SSH2: variants seen among roughly 807,000 people sequenced by gnomAD.
SSH2 encodes slingshot protein phosphatase 2.
A neutral mutation model predicts 135.2 loss-of-function variants in SSH2; 37 were observed. The observed-to-expected ratio is 0.27, with a 90% CI of 0.21 to 0.36. SSH2 has a LOEUF of 0.36. SSH2 is among the 10% of genes least tolerant of loss of function. The pLI is 1.00. For missense variants in SSH2, 1,408 were observed against 1,765.3 expected (o/e 0.80, Z 3.63); for synonymous variants, 628 against 646.2 (o/e 0.97, Z 0.43).
At chr17:29,689,045 C>G (rs939980693) in intron 5 of SSH2, among the ~76,000 whole-genome samples, 2 of 151,956 alleles carry the variant, frequency 1.3e-5, no homozygotes, top group African/African-American at 4.8e-5. Context: ...ATAATCCCAG[C>G]TACTCAGGAG....
At chr17:29,831,797 T>G (rs12602426) in intron 2 of SSH2, among the ~76,000 whole-genome samples, 8 of 151,838 alleles carry the variant, frequency 5.3e-5, no homozygotes, top group African/African-American at 1.9e-4. Context: ...CGAGGCTGTC[T>G]CCAACTCCTG....
chr17:29,683,189 G>T (rs1231396559), intron 6 of SSH2, among the ~76,000 whole-genome samples: 1 of 152,160 alleles, frequency 6.6e-6, no homozygotes, highest in East Asian at 1.9e-4. Flanking sequence ...GGAAGTCAAT[G>T]CTTTGAGACA....
intron 1 of SSH2, among the ~76,000 whole-genome samples, chr17:29,850,684 A>G (rs923684936): frequency 1.3e-5 from 2 of 152,182 alleles, no homozygotes; most frequent in Non-Finnish European, 2.9e-5. Flanking sequence ...AGAAATAACC[A>G]AATATTTAAA....
intron 2 of SSH2, among the ~76,000 whole-genome samples, chr17:29,821,514 C>G (rs78682002): frequency 6.6e-6 from 1 of 151,574 alleles, no homozygotes; most frequent in African/African-American, 2.4e-5. Flanking sequence ...AAAAAAAATT[C>G]TAAGTAAGGA....
intron 1 of SSH2, among the ~76,000 whole-genome samples, chr17:29,927,183 A>G (rs2067082930): frequency 6.6e-6 from 1 of 152,228 alleles, no homozygotes; most frequent in Non-Finnish European, 1.5e-5. Context: ...TATTATTAAC[A>G]TTGCCATTAG....
intron 2 of SSH2, among the ~76,000 whole-genome samples, chr17:29,811,927 T>C (rs975103749): frequency 6.6e-6 from 1 of 152,110 alleles, no homozygotes; most frequent in Non-Finnish European, 1.5e-5. Flanking sequence ...ATCTAAAGAG[T>C]TTGATTTTCT....
intron 1 of SSH2, among the ~76,000 whole-genome samples, chr17:29,924,803 T>C (rs933370153): frequency 6.6e-6 from 1 of 152,176 alleles, no homozygotes; most frequent in African/African-American, 2.4e-5. Context: ...ATGTATAAAG[T>C]AAGAGTTAAT....
intron 2 of SSH2, among the ~76,000 whole-genome samples, chr17:29,840,434 G>A (rs2043020092): frequency 6.6e-6 from 1 of 152,190 alleles, no homozygotes; most frequent in South Asian, 2.1e-4. Context: ...CATCAACTAT[G>A]TGCAATTTAC....
At chr17:29,652,788 G>T (rs1296756199) in intron 12 of SSH2, among the ~76,000 whole-genome samples, 1 of 152,098 alleles carries the variant, frequency 6.6e-6, no homozygotes, top group East Asian at 1.9e-4. Flanking sequence ...CTCCCGAGTA[G>T]CTGGGATTAC....
intron 2 of SSH2, among the ~76,000 whole-genome samples, chr17:29,820,732 T>A (rs1300557374): frequency 6.6e-6 from 1 of 152,220 alleles, no homozygotes; most frequent in Admixed American, 6.5e-5. Context: ...CAAAGAGTGC[T>A]GCCCTGGAGA....
intron 3 of SSH2, among the ~76,000 whole-genome samples, chr17:29,732,987 A>C (rs957499366): frequency 6.6e-6 from 1 of 152,230 alleles, no homozygotes. Flanking sequence ...CCAGGTCAAC[A>C]GGGTAAAATG....
intron 2 of SSH2, among the ~76,000 whole-genome samples, chr17:29,830,847 T>A (rs533843638): frequency 4.3e-4 from 65 of 152,212 alleles, no homozygotes; most frequent in African/African-American, 1.4e-3. Context: ...GCCAGTTTAA[T>A]TAGTTCAAGA....
chr17:29,869,096 T>C (rs59420007), intron 1 of SSH2, among the ~76,000 whole-genome samples: 63,442 of 152,098 alleles, frequency 0.42, 15,221 homozygotes, highest in East Asian at 0.69. Flanking sequence ...AATGAACATT[T>C]CTCTAAACTA....
chr17:29,696,669 G>A (rs537559759), intron 4 of SSH2, among the ~76,000 whole-genome samples: 6 of 134,674 alleles, frequency 4.5e-5, no homozygotes, highest in South Asian at 4.5e-4. Flanking sequence ...ATATATATAC[G>A]TACGTGTGTG....
intron 2 of SSH2, among the ~76,000 whole-genome samples, chr17:29,797,111 A>T (rs1409906669): frequency 6.7e-6 from 1 of 148,190 alleles, no homozygotes; most frequent in Non-Finnish European, 1.5e-5. Flanking sequence ...GGCATGAGCC[A>T]CCACACCTGG....
chr17:29,688,143 C>T (rs1226088683), intron 5 of SSH2, among the ~76,000 whole-genome samples: 8 of 151,494 alleles, frequency 5.3e-5, no homozygotes, highest in African/African-American at 1.7e-4. Flanking sequence ...CCCAAGTAAA[C>T]GGGATTACGG....
intron 3 of SSH2, among the ~76,000 whole-genome samples, chr17:29,739,648 G>A (rs895100274): frequency 9.9e-5 from 15 of 152,172 alleles, no homozygotes; most frequent in African/African-American, 3.6e-4. Context: ...ATGCAAATAT[G>A]ACTTGCCTTT....
intron 3 of SSH2, among the ~76,000 whole-genome samples, chr17:29,715,931 C>A (rs1323050791): frequency 1.3e-5 from 2 of 152,152 alleles, no homozygotes; most frequent in African/African-American, 2.4e-5. Context: ...TATTCCAAAC[C>A]CTCTCTACTC....
At chr17:29,926,520 C>A in intron 1 of SSH2, among the ~76,000 whole-genome samples, 1 of 151,156 alleles carries the variant, frequency 6.6e-6, no homozygotes, top group East Asian at 1.9e-4. Context: ...TGCTGCTGCA[C>A]TCCAGCCTGA....
Sources: allele counts gnomAD v4.1 joint callset (sites outside exome capture counted in the v4.1 genomes callset), GRCh38; gene constraint gnomAD v4.1.1; transcripts MANE v1.5; gene names NCBI Gene and HGNC (gene_info 2026-07-23, HGNC 2026-07-21).